ATRX: variants seen among roughly 807,000 people sequenced by gnomAD.
ATRX encodes ATRX chromatin remodeler.
Under a neutral mutation model 172.6 loss-of-function variants are expected in ATRX, and 12 were observed. The ratio of observed to expected loss-of-function variants is 0.07; its 90% CI spans 0.04 to 0.11. The LOEUF (loss-of-function observed/expected upper bound fraction) is 0.11. Ranked by LOEUF, ATRX falls within the 10% of genes least tolerant of loss-of-function variation. ATRX has a pLI of 1.00. For missense variants in ATRX, 1,368 were observed against 1,767.4 expected (o/e 0.77, Z 4.05); for synonymous variants, 674 against 594.7 (o/e 1.13, Z -1.94).
intron 30 of ATRX, among the ~76,000 whole-genome samples, chrX:77,551,736 A>T (rs1260218167): frequency 8.9e-6 from 1 of 111,812 alleles, no homozygotes; most frequent in Non-Finnish European, 1.9e-5. Flanking sequence ...AAGGGCTAAT[A>T]ACCAGAATCT....
At chrX:77,622,960 A>C (rs1378643705) in intron 19 of ATRX, among the ~76,000 whole-genome samples, 2 of 110,859 alleles carry the variant, frequency 1.8e-5, no homozygotes, top group Non-Finnish European at 3.8e-5. Context: ...AAAGTCCGAA[A>C]GAGCACAAAC....
intron 9 of ATRX, among the ~76,000 whole-genome samples, chrX:77,677,752 T>C (rs2070969351): frequency 9.1e-6 from 1 of 110,142 alleles, no homozygotes; most frequent in African/African-American, 3.3e-5. Context: ...TACTGATGGA[T>C]AGACAGAAGG....
In ATRX at chrX:77,506,946, A is replaced by G. The variant is rs1557033601; in HGVS notation, c.*1405T>C. ...TTTGGAATTCTTAAGCTGTTTCACT[A>G]CCTGTTGTATCATCATCTCAAAAAT... On this transcript the variant is annotated 3_prime_UTR_variant, in exon 35 of 35. Transcript: ENST00000373344. 8.2e-6 allele frequency: 1 copy of G among 121,930 alleles called. No homozygotes were observed. The highest frequency in any genetic ancestry group is 5.0e-5 in the African/African-American group (1 of 19,805). The allele number at this position is 121,930 out of a possible 1,213,427, so 10.0% of individuals were successfully genotyped here. A position where few individuals can be genotyped will look rare whatever the true frequency, so the allele number is the denominator to read the frequency against.
chrX:77,557,769 A>G (rs1200423293), intron 29 of ATRX, 124 bp from the exon 30 acceptor site: 5 of 581,773 alleles, frequency 8.6e-6, no homozygotes, highest in Non-Finnish European at 1.3e-5. Context: ...ATATTGCCAT[A>G]AAGAAAAACT....
At chrX:77,762,825 T>G (rs2075769801) in intron 1 of ATRX, among the ~76,000 whole-genome samples, 1 of 111,557 alleles carries the variant, frequency 9.0e-6, no homozygotes, top group Admixed American at 9.6e-5. Context: ...AGTTTTAAAT[T>G]TTCATAATGT....
intron 27 of ATRX, among the ~76,000 whole-genome samples, chrX:77,583,864 G>T (rs1313644959): frequency 1.8e-5 from 2 of 111,623 alleles, no homozygotes; most frequent in African/African-American, 3.3e-5. Context: ...ATCCTTGTTT[G>T]CAGATGATCT....
chrX:77,685,860 T>C (rs1251385236), intron 7 of ATRX, among the ~76,000 whole-genome samples: 3 of 111,610 alleles, frequency 2.7e-5, no homozygotes, highest in Non-Finnish European at 5.6e-5. Context: ...TATTCAGCCA[T>C]AAAAAAGAAT....
At chrX:77,627,806 C>T (rs1253649582) in intron 19 of ATRX, among the ~76,000 whole-genome samples, 5 of 110,136 alleles carry the variant, frequency 4.5e-5, no homozygotes. Flanking sequence ...TTTGAAGCTA[C>T]AGTGAGCTAT....
chrX:77,716,346 A>ATG (rs2073424440), intron 2 of ATRX, among the ~76,000 whole-genome samples: 1 of 92,348 alleles, frequency 1.1e-5, no homozygotes, highest in South Asian at 5.4e-4. Flanking sequence ...ATATATATAT[A>ATG]TATCTTTTTA....
At chrX:77,600,391 T>C (rs1557086513) in intron 23 of ATRX, 43 bp downstream of exon 23, 1 of 1,203,312 alleles carries the variant, frequency 8.3e-7, no homozygotes. Flanking sequence ...CTAAGTTTAT[T>C]CTGCTTCCAA....
intron 14 of ATRX, among the ~76,000 whole-genome samples, chrX:77,652,608 T>C (rs1242536960): frequency 1.9e-5 from 2 of 106,837 alleles, no homozygotes; most frequent in African/African-American, 6.8e-5. Context: ...GAGACCATCC[T>C]GGCTAACACG....
At chrX:77,522,462 G>A (rs951809518) in intron 31 of ATRX, 74 bp from the exon 32 acceptor site, 2 of 1,076,075 alleles carry the variant, frequency 1.9e-6, no homozygotes, top group Non-Finnish European at 2.6e-6. Flanking sequence ...TACTGGTTTA[G>A]AAAAGAATCC....
rs375794120 is a variant in ATRX at position 77,688,866 on chromosome X, T to A, written c.546A>T (p.Gln182His). The change falls in exon 7 of 35, where the codon CAA (glutamine) becomes CAT (histidine). Residue 182 changes from glutamine (Q) to histidine (H), a missense_variant. Around this residue, in one of 17 missense-constraint regions of ATRX, gnomAD observed 9 missense variants for 69.7 expected, o/e 0.13. Coordinates refer to ENST00000373344, the MANE Select transcript of ATRX (RefSeq NM_000489.6). ...TACGQQVNHF[Q>H]KDSIYRHPSL... is the part of the protein sequence containing the mutation. ...AAGGGTGTCTATAAATGGAATCTTTTTGAAAATGATTGACCTGTTGTCCAC... is the reference window on the plus strand; with the variant it reads ...AAGGGTGTCTATAAATGGAATCTTTATGAAAATGATTGACCTGTTGTCCAC... 4 of 1,211,157 alleles carry A rather than the reference T, an allele frequency of 3.3e-6. No homozygotes were observed. Among genetic ancestry groups the A allele is most frequent in the Non-Finnish European group, 4.5e-6 (4 of 895,193 alleles).
intron 19 of ATRX, among the ~76,000 whole-genome samples, chrX:77,629,972 G>A (rs782553735): frequency 8.0e-5 from 9 of 112,131 alleles, no homozygotes; most frequent in Non-Finnish European, 1.5e-4. Flanking sequence ...GCGTGCGCGC[G>A]CACACACACG....
intron 30 of ATRX, among the ~76,000 whole-genome samples, chrX:77,546,415 T>C (rs1385231739): frequency 7.2e-5 from 8 of 111,435 alleles, no homozygotes; most frequent in African/African-American, 2.0e-4. Context: ...ACAAGAGTGG[T>C]AGACCTTGTC....
chrX:77,757,186 T>C (rs2075534933), intron 1 of ATRX, among the ~76,000 whole-genome samples: 2 of 111,760 alleles, frequency 1.8e-5, no homozygotes, highest in African/African-American at 6.5e-5. Flanking sequence ...GCATCCACTC[T>C]GAAAAATAGA....
intron 23 of ATRX, among the ~76,000 whole-genome samples, chrX:77,600,120 TTACTA>T (rs782261925): frequency 8.9e-6 from 1 of 111,994 alleles, no homozygotes; most frequent in East Asian, 2.8e-4. Context: ...TTTGATAACT[TTACTA>T]TACTAATGCA....
At chrX:77,761,705 T>C (rs782613027) in intron 1 of ATRX, among the ~76,000 whole-genome samples, 8 of 111,544 alleles carry the variant, frequency 7.2e-5, no homozygotes, top group Admixed American at 9.6e-5. Context: ...CAGTACATGA[T>C]ACAGTATTAT....
chrX:77,602,954 A>G (rs1490342956), intron 22 of ATRX, among the ~76,000 whole-genome samples: 1 of 111,110 alleles, frequency 9.0e-6, no homozygotes, highest in African/African-American at 3.3e-5. Context: ...ATATAGGGGG[A>G]AAAGTTGTTT....
Sources: gnomAD v4.1 joint callset for allele counts (sites outside exome capture counted in the v4.1 genomes callset) on GRCh38, gnomAD v4.1.1 for gene constraint, gnomAD v4.1.1 regional missense constraint, MANE v1.5 for transcripts, NCBI Gene and HGNC (gene_info 2026-07-23, HGNC 2026-07-21) for gene names.